Variants in NRK observed in about 807,000 individuals in gnomAD.
NRK encodes nik-related protein kinase.
A neutral mutation model predicts 125.2 loss-of-function variants in NRK; 67 were observed. The observed-to-expected ratio is 0.54, with a 90% confidence interval of 0.44 to 0.66. The LOEUF is 0.66. Among genes scored for constraint, NRK ranks in the 30% least tolerant of loss-of-function variants. The pLI is 0.00. For synonymous variants in NRK, 458 were observed against 429.0 expected (o/e 1.07, Z -0.84); for missense variants, 1,224 against 1,192.9 (o/e 1.03, Z -0.38).
rs193228110 is a variant in NRK, at chrX:105,943,913, G to A, written c.3959-28G>A. 5.8e-3 allele frequency: 4,433 copies of A among 770,544 alleles called. 11 individuals are homozygous for A. The highest frequency in any genetic ancestry group is 7.6e-3 in the Non-Finnish European group (3,971 of 524,685). 63.5% of individuals were successfully genotyped at this position (770,544 alleles called of 1,213,427 possible). ...GAGTGTTCTTGTTAACTGTGGCATCGTTACTTTTTTGTGTTTTATCATTAT... is the reference window on the plus strand; with the variant it reads ...GAGTGTTCTTGTTAACTGTGGCATCATTACTTTTTTGTGTTTTATCATTAT... On this transcript the variant is annotated intron_variant, in intron 23 of 28. Coordinates refer to ENST00000243300, the MANE Select transcript of NRK (RefSeq NM_198465.4).
At chrX:105,849,541 C>A (rs1474481458) in intron 2 of NRK, among the ~76,000 whole-genome samples, 1 of 111,898 alleles carries the variant, frequency 8.9e-6, no homozygotes, top group African/African-American at 3.2e-5. Flanking sequence ...TCATCTGAGA[C>A]AAGGCAAGTC....
chrX:105,872,367 G>A, intron 2 of NRK, among the ~76,000 whole-genome samples: 1 of 111,709 alleles, frequency 9.0e-6, no homozygotes. Context: ...TCATTGATTT[G>A]CTTAAACCTT....
At chrX:105,925,434 A>C (rs1316319445) in intron 19 of NRK, among the ~76,000 whole-genome samples, 1 of 110,937 alleles carries the variant, frequency 9.0e-6, no homozygotes, top group Non-Finnish European at 1.9e-5. Flanking sequence ...AACATTCATC[A>C]TTTTTTTTGT....
intron 1 of NRK, among the ~76,000 whole-genome samples, chrX:105,829,488 A>G (rs2039158449): frequency 8.9e-6 from 1 of 112,250 alleles, no homozygotes; most frequent in African/African-American, 3.2e-5. Context: ...CACTTTGTGT[A>G]TAAATTGGCA....
Position 105,940,009 on chromosome X carries a change from C to T in NRK, c.3935C>T (p.Thr1312Ile), listed in dbSNP as rs537241962. The change falls in exon 23 of 29, where the codon ACA becomes ATA. Residue 1312 changes from threonine (T) to isoleucine (I), a missense_variant. Transcript: ENST00000243300. ...EEACKAIDKL[T>I]GCEHFSVLQH... Reference sequence around the variant, plus strand: ...GCCTGCAAAGCTATTGATAAGTTAACAGGCTGTGAACACTTCAGTGTCCGT... The same window carrying T: ...GCCTGCAAAGCTATTGATAAGTTAATAGGCTGTGAACACTTCAGTGTCCGT... The T allele has an allele frequency of 4.2e-6, 5 of 1,185,874 alleles. No homozygotes were observed. The South Asian group carries it at 5.6e-5, about 13-fold the overall frequency.
At chrX:105,940,056 A>G (rs1368118386) in intron 23 of NRK, 24 bp downstream of exon 23, 1 of 1,076,601 alleles carries the variant, frequency 9.3e-7, no homozygotes, top group South Asian at 2.1e-5. Context: ...CATGTTTACT[A>G]CAGCTATATA....
At chrX:105,948,447 G>T (rs1315503108) in intron 26 of NRK, 1 of 302,690 alleles carries the variant, frequency 3.3e-6, no homozygotes, top group African/African-American at 2.8e-5. Context: ...GATTACAAAA[G>T]CTGTAATGAT....
intron 2 of NRK, among the ~76,000 whole-genome samples, chrX:105,864,012 G>A (rs916054546): frequency 1.2e-4 from 13 of 112,391 alleles, no homozygotes; most frequent in Non-Finnish European, 9.4e-5. Context: ...TCAGTTGCAT[G>A]AAAATAATAA....
At chrX:105,937,151 A>AT (rs1337356528) in intron 21 of NRK, among the ~76,000 whole-genome samples, 1 of 109,779 alleles carries the variant, frequency 9.1e-6, no homozygotes, top group Non-Finnish European at 1.9e-5. Context: ...TATGTTCTAT[A>AT]TTTTTATGTA....
chrX:105,947,555 C>A (rs1459286001), intron 26 of NRK, among the ~76,000 whole-genome samples: 1 of 110,823 alleles, frequency 9.0e-6, no homozygotes, highest in African/African-American at 3.3e-5. Flanking sequence ...AATGTAATAT[C>A]CCTCACACAC....
chrX:105,895,930 A>G (rs1481574220), intron 7 of NRK, among the ~76,000 whole-genome samples: 2 of 112,201 alleles, frequency 1.8e-5, no homozygotes, highest in Non-Finnish European at 3.8e-5. Context: ...ATATTTTCTC[A>G]AGAATATCAA....
chrX:105,951,308 G>T (rs1433946476), intron 27 of NRK, among the ~76,000 whole-genome samples: 2 of 111,008 alleles, frequency 1.8e-5, no homozygotes, highest in African/African-American at 3.3e-5. Flanking sequence ...AATCATAAGG[G>T]TCAAAGGGAT....
intron 5 of NRK, among the ~76,000 whole-genome samples, chrX:105,892,789 T>C (rs1191751931): frequency 9.0e-6 from 1 of 111,709 alleles, no homozygotes; most frequent in Non-Finnish European, 1.9e-5. Flanking sequence ...ATATCAATGG[T>C]GAATAACCGT....
chrX:105,949,850 G>T, intron 27 of NRK, 116 bp downstream of exon 27: 1 of 491,869 alleles, frequency 2.0e-6, no homozygotes, highest in Non-Finnish European at 3.3e-6. Context: ...CATAAGATTA[G>T]TTTGGGGTTC....
chrX:105,895,990 A>T (rs1045258240), intron 7 of NRK, among the ~76,000 whole-genome samples: 7 of 111,824 alleles, frequency 6.3e-5, no homozygotes, highest in Non-Finnish European at 1.1e-4. Flanking sequence ...ATTTTTTCAG[A>T]TATGTAAAGA....
chrX:105,875,650 A>T lies in NRK; in HGVS notation c.124-4549A>T, dbSNP rs765451733. On this transcript the variant is annotated intron_variant, in intron 2 of 28. Transcript: ENST00000243300. ...CAAATCAATAACTGAATTATTATTTATTATTATTATTATTATTAACTAAAC... is the reference window on the plus strand; with the variant it reads ...CAAATCAATAACTGAATTATTATTTTTTATTATTATTATTATTAACTAAAC... Among the ~76,000 whole-genome samples, 167 of 109,504 alleles carry T rather than the reference A, an allele frequency of 1.5e-3. 1 individual carries two copies. Among genetic ancestry groups the T allele is most frequent in the African/African-American group, 4.9e-3 (149 of 30,361 alleles).
chrX:105,905,151 A>C (rs1261680532), intron 9 of NRK, 114 bp from the exon 10 acceptor site: 1 of 515,277 alleles, frequency 1.9e-6, no homozygotes, highest in African/African-American at 2.3e-5. Flanking sequence ...TTTGTCCCTT[A>C]GTGTCTACTC....
intron 25 of NRK, 122 bp downstream of exon 25, chrX:105,946,137 G>A (rs2040809794): frequency 2.4e-6 from 2 of 830,575 alleles, no homozygotes; most frequent in Non-Finnish European, 3.4e-6. Context: ...TTATTTCTTT[G>A]TTGTAATAAC....
At chrX:105,950,614 A>G (rs441384) in intron 27 of NRK, among the ~76,000 whole-genome samples, 34,007 of 103,981 alleles carry the variant, frequency 0.33, 5,871 homozygotes, top group African/African-American at 0.63. Context: ...ATTGCATCAG[A>G]TATTACTAAG....
Sources: gnomAD v4.1 joint callset for allele counts (sites outside exome capture counted in the v4.1 genomes callset) on GRCh38, gnomAD v4.1.1 for gene constraint, MANE v1.5 for transcripts, NCBI Gene and HGNC (gene_info 2026-07-23, HGNC 2026-07-21) for gene names.